The following SLC35F1 variants were observed in gnomAD, a reference collection of about 807,000 sequenced individuals.
The protein encoded by SLC35F1 is chromosome 6 open reading frame 169.
Under a neutral mutation model 48.7 loss-of-function variants are expected in SLC35F1, and 14 were observed. The observed-to-expected ratio is 0.29, with a 90% CI of 0.19 to 0.45. The LOEUF (loss-of-function observed/expected upper bound fraction) is 0.45, where lower values mean the gene tolerates loss of function less well. SLC35F1 is among the 20% of genes least tolerant of loss of function. The pLI is 1.00. For synonymous variants in SLC35F1, 190 were observed against 202.2 expected (o/e 0.94, Z 0.51); for missense variants, 404 against 500.0 (o/e 0.81, Z 1.83).
intron 3 of SLC35F1, among the ~76,000 whole-genome samples, chr6:118,255,551 G>A (rs1021508150): frequency 5.3e-5 from 8 of 152,256 alleles, no homozygotes; most frequent in African/African-American, 1.7e-4. Context: ...AGATTTCTAG[G>A]TACTTGTCCC....
intron 1 of SLC35F1, among the ~76,000 whole-genome samples, chr6:118,114,150 C>T (rs143954367): frequency 5.4e-4 from 83 of 152,308 alleles, no homozygotes; most frequent in African/African-American, 1.8e-3. Flanking sequence ...CTGCAGAACT[C>T]AGCCAAGCTT....
intron 1 of SLC35F1, among the ~76,000 whole-genome samples, chr6:118,041,350 C>T (rs114576853): frequency 0.022 from 3,395 of 152,132 alleles, 84 homozygotes; most frequent in African/African-American, 0.054. Context: ...ATGTAAAATA[C>T]GTGCAGTACA....
At chr6:118,035,624 A>C (rs567896737) in intron 1 of SLC35F1, among the ~76,000 whole-genome samples, 24 of 144,742 alleles carry the variant, frequency 1.7e-4, no homozygotes, top group African/African-American at 2.3e-4. Flanking sequence ...CACAAAAAAA[A>C]AACAACAACA....
intron 1 of SLC35F1, among the ~76,000 whole-genome samples, chr6:117,942,545 A>G (rs1037950643): frequency 2.0e-5 from 3 of 152,326 alleles, no homozygotes; most frequent in East Asian, 1.9e-4. Flanking sequence ...GATTAATTTC[A>G]TTGGATGGCT....
intron 1 of SLC35F1, among the ~76,000 whole-genome samples, chr6:118,043,364 G>A (rs1772254777): frequency 1.4e-5 from 2 of 147,114 alleles, no homozygotes; most frequent in African/African-American, 5.0e-5. Context: ...GAATGTCTTA[G>A]CATCAAATCT....
In SLC35F1 at chr6:117,918,986, C is replaced by T. The variant is rs150973067; in HGVS notation, c.173+11087C>T. 5.0e-3 allele frequency among the ~76,000 whole-genome samples: 759 copies of T among 152,274 alleles called. 5 individuals are homozygous for T. Among genetic ancestry groups the T allele is most frequent in the Non-Finnish European group, 7.3e-3 (495 of 68,028 alleles). Reference sequence around the variant, plus strand: ...TCATAGCTCACTGCAGCCTGAAACTCCTGGGTTCAAGTGATCTTCCTGCCT... The same window carrying T: ...TCATAGCTCACTGCAGCCTGAAACTTCTGGGTTCAAGTGATCTTCCTGCCT... On this transcript the variant is annotated intron_variant, in intron 1 of 7. Coordinates refer to ENST00000360388, the MANE Select transcript of SLC35F1 (RefSeq NM_001029858.4).
At position 118,202,275 on chromosome 6, in the gene SLC35F1, G is replaced by A. The variant is rs533533583; in HGVS notation, c.350-33234G>A. Among the ~76,000 whole-genome samples, 27 of 152,218 alleles carry A rather than the reference G, an allele frequency of 1.8e-4. No homozygotes were observed. In the East Asian group the frequency reaches 4.3e-3, roughly 24 times the overall value. On this transcript the variant is annotated intron_variant, in intron 2 of 7. Coordinates refer to ENST00000360388, the MANE Select transcript of SLC35F1 (RefSeq NM_001029858.4). Reference sequence around the variant, plus strand: ...TTTGGGAGGCTGATGCAGGAGGATTGCTTGAGGCCAGGAGTTTAAAAGCAG... The same window carrying A: ...TTTGGGAGGCTGATGCAGGAGGATTACTTGAGGCCAGGAGTTTAAAAGCAG...
Position 117,977,473 on chromosome 6 carries a change from T to G in SLC35F1, c.173+69574T>G, listed in dbSNP as rs572393103. Among the ~76,000 whole-genome samples, 5 of 152,344 alleles carry G rather than the reference T, an allele frequency of 3.3e-5. No homozygotes were observed. In the East Asian group the frequency reaches 9.6e-4, roughly 29 times the overall value. The stretch of plus-strand genomic sequence containing the variant: ...TAATTTGATACATGAAAATGTTAGC[T>G]AAGTATTGATATAATAAGGATTTTT... On this transcript the variant is annotated intron_variant, in intron 1 of 7. Transcript: ENST00000360388.
intron 2 of SLC35F1, among the ~76,000 whole-genome samples, chr6:118,168,356 T>TTA (rs986214969): frequency 6.6e-6 from 1 of 152,040 alleles, no homozygotes; most frequent in Non-Finnish European, 1.5e-5. Flanking sequence ...GTAGAGAACC[T>TTA]TATATATATA....
At chr6:117,924,430 CATA>C (rs1775993429) in intron 1 of SLC35F1, among the ~76,000 whole-genome samples, 1 of 113,474 alleles carries the variant, frequency 8.8e-6, no homozygotes, top group Non-Finnish European at 1.9e-5. Context: ...TACACATACG[CATA>C]ACACATATAT....
intron 2 of SLC35F1, among the ~76,000 whole-genome samples, chr6:118,191,931 T>C (rs1344629185): frequency 2.6e-5 from 4 of 152,208 alleles, no homozygotes; most frequent in African/African-American, 9.6e-5. Context: ...ATAAGCTATT[T>C]TAGCAATTTA....
chr6:117,976,152 T>C lies in SLC35F1; in HGVS notation c.173+68253T>C, dbSNP rs182241528. On this transcript the variant is annotated intron_variant, in intron 1 of 7. Transcript: ENST00000360388. ...CTTCTTTGTCTAGTGAGCACAATTC[T>C]TTGTCTTCCCTCATGGTGAAATAAC... is the stretch of plus-strand genomic sequence containing the variant. Among the ~76,000 whole-genome samples the C allele has an allele frequency of 2.7e-3, 406 of 152,342 alleles. 13 individuals carry two copies. Among genetic ancestry groups the C allele is most frequent in the Non-Finnish European group, 6.2e-4 (42 of 68,032 alleles).
intron 1 of SLC35F1, among the ~76,000 whole-genome samples, chr6:118,017,401 C>T (rs539593552): frequency 6.6e-6 from 1 of 152,290 alleles, no homozygotes; most frequent in South Asian, 2.1e-4. Flanking sequence ...TCAATAGGGA[C>T]TTATCAGCAA....
intron 1 of SLC35F1, among the ~76,000 whole-genome samples, chr6:118,085,941 T>A (rs2114331858): frequency 6.6e-6 from 1 of 152,246 alleles, no homozygotes; most frequent in Admixed American, 6.5e-5. Context: ...AATTTCCCCC[T>A]TCTTGAGTTC....
At chr6:118,259,921 A>C (rs1284309945) in intron 3 of SLC35F1, among the ~76,000 whole-genome samples, 1 of 152,136 alleles carries the variant, frequency 6.6e-6, no homozygotes, top group Non-Finnish European at 1.5e-5. Context: ...AGCTTGCTTG[A>C]AAATGTTCGT....
intron 1 of SLC35F1, among the ~76,000 whole-genome samples, chr6:118,035,686 T>C (rs1459429047): frequency 7.5e-6 from 1 of 133,638 alleles, no homozygotes; most frequent in Admixed American, 7.2e-5. Flanking sequence ...TTGTTAATTT[T>C]TTTTTTTTTT....
chr6:118,000,414 G>A (rs1250845352), intron 1 of SLC35F1, among the ~76,000 whole-genome samples: 4 of 152,074 alleles, frequency 2.6e-5, no homozygotes, highest in Non-Finnish European at 4.4e-5. Context: ...CATGCTAAAA[G>A]CTCTCAATAA....
intron 1 of SLC35F1, among the ~76,000 whole-genome samples, chr6:118,147,740 A>G (rs1024179439): frequency 6.6e-6 from 1 of 152,124 alleles, no homozygotes; most frequent in Non-Finnish European, 1.5e-5. Context: ...CACCAGTCTC[A>G]AAAATCTCCT....
At chr6:118,165,601 A>T (rs944292716) in intron 2 of SLC35F1, among the ~76,000 whole-genome samples, 11 of 152,234 alleles carry the variant, frequency 7.2e-5, no homozygotes, top group African/African-American at 2.7e-4. Context: ...AATGCATTGT[A>T]AACTGCAACC....
Sources: allele counts gnomAD v4.1 joint callset (sites outside exome capture counted in the v4.1 genomes callset), GRCh38; gene constraint gnomAD v4.1.1; transcripts MANE v1.5; gene names NCBI Gene and HGNC (gene_info 2026-07-23, HGNC 2026-07-21).